Variants in PSD3 observed in about 807,000 individuals in gnomAD.
PSD3 encodes PH and SEC7 domain-containing protein 3.
Under a neutral mutation model 105.5 loss-of-function variants are expected in PSD3, and 49 were observed. That is an observed-to-expected ratio of 0.46 (90% confidence interval 0.37 to 0.59). PSD3 has a LOEUF of 0.59. Ranked by LOEUF, PSD3 falls within the 20% of genes least tolerant of loss-of-function variation. The pLI is 0.00. For missense variants in PSD3, 1,561 were observed against 1,263.8 expected (o/e 1.24, Z -3.57); for synonymous variants, 557 against 457.8 (o/e 1.22, Z -2.77).
intron 9 of PSD3, among the ~76,000 whole-genome samples, chr8:18,680,812 C>T (rs1026869230): frequency 6.6e-6 from 1 of 152,058 alleles, no homozygotes; most frequent in East Asian, 1.9e-4. Flanking sequence ...CCATAAAGTA[C>T]TGGAAAATTC....
At chr8:18,779,943 T>G (rs1222788365) in intron 8 of PSD3, among the ~76,000 whole-genome samples, 1 of 152,230 alleles carries the variant, frequency 6.6e-6, no homozygotes, top group Non-Finnish European at 1.5e-5. Context: ...GCGCATTTGA[T>G]CTAAAACGAA....
intron 9 of PSD3, among the ~76,000 whole-genome samples, chr8:18,757,380 C>T (rs1806140437): frequency 1.3e-5 from 2 of 152,114 alleles, no homozygotes; most frequent in South Asian, 4.1e-4. Context: ...AGGAGAATCA[C>T]TTGAACCCAG....
chr8:18,578,791 A>T (rs1363440105), intron 12 of PSD3, among the ~76,000 whole-genome samples: 2 of 152,050 alleles, frequency 1.3e-5, no homozygotes, highest in Non-Finnish European at 2.9e-5. Flanking sequence ...AGCTAACAGT[A>T]ATTGTCACCT....
intron 8 of PSD3, among the ~76,000 whole-genome samples, chr8:18,788,200 T>C (rs1194084339): frequency 2.0e-5 from 3 of 152,212 alleles, no homozygotes; most frequent in Non-Finnish European, 4.4e-5. Context: ...CATCCTGATG[T>C]ATTCTATTCT....
intron 9 of PSD3, among the ~76,000 whole-genome samples, chr8:18,763,406 T>C (rs924316103): frequency 6.6e-6 from 1 of 152,156 alleles, no homozygotes. Flanking sequence ...ACCTGTAAGA[T>C]GACACCAAAT....
intron 14 of PSD3, among the ~76,000 whole-genome samples, chr8:18,562,268 G>A (rs143852851): frequency 6.6e-6 from 1 of 152,158 alleles, no homozygotes; most frequent in African/African-American, 2.4e-5. Flanking sequence ...AAGAGAACCT[G>A]GCCACTGTCC....
intron 11 of PSD3, among the ~76,000 whole-genome samples, chr8:18,609,342 C>A (rs1805087535): frequency 6.6e-6 from 1 of 152,142 alleles, no homozygotes; most frequent in South Asian, 2.1e-4. Flanking sequence ...TGCAAAATAT[C>A]TTGAATTTCC....
At chr8:18,616,048 C>A (rs1183964684) in intron 11 of PSD3, among the ~76,000 whole-genome samples, 1 of 152,232 alleles carries the variant, frequency 6.6e-6, no homozygotes, top group Non-Finnish European at 1.5e-5. Flanking sequence ...TTTTCCCCAA[C>A]CTAGGAGCTC....
At chr8:18,624,302 G>C (rs1806327556) in intron 11 of PSD3, among the ~76,000 whole-genome samples, 1 of 151,936 alleles carries the variant, frequency 6.6e-6, no homozygotes, top group African/African-American at 2.4e-5. Flanking sequence ...GGTAACATGT[G>C]AAATGACATT....
chr8:18,949,467 C>G (rs1488509537), intron 1 of PSD3, among the ~76,000 whole-genome samples: 1 of 150,956 alleles, frequency 6.6e-6, no homozygotes, highest in African/African-American at 2.4e-5. Flanking sequence ...TAAAATAACA[C>G]ACGAAATATT....
At chr8:19,067,881 T>C (rs1279645539) in intron 1 of PSD3, among the ~76,000 whole-genome samples, 1 of 152,176 alleles carries the variant, frequency 6.6e-6, no homozygotes, top group Non-Finnish European at 1.5e-5. Context: ...ACCCATGCAC[T>C]CTATCTTTTC....
chr8:18,599,593 T>A (rs967200630), intron 12 of PSD3, among the ~76,000 whole-genome samples: 3 of 152,180 alleles, frequency 2.0e-5, no homozygotes, highest in African/African-American at 7.2e-5. Flanking sequence ...AAATTTTGAA[T>A]AGTACGAGAC....
intron 9 of PSD3, among the ~76,000 whole-genome samples, chr8:18,676,856 G>C (rs577428283): frequency 2.6e-5 from 4 of 152,206 alleles, no homozygotes; most frequent in Non-Finnish European, 5.9e-5. Context: ...CCTTGTGCTT[G>C]AGCACAAGCC....
At chr8:18,669,978 C>A (rs1394225981) in intron 9 of PSD3, among the ~76,000 whole-genome samples, 1 of 152,086 alleles carries the variant, frequency 6.6e-6, no homozygotes, top group Non-Finnish European at 1.5e-5. Flanking sequence ...ACAACAGACA[C>A]AGAACTTAGA....
intron 1 of PSD3, among the ~76,000 whole-genome samples, chr8:18,994,501 T>C (rs549096213): frequency 2.0e-4 from 30 of 152,198 alleles, no homozygotes; most frequent in Admixed American, 1.8e-3. Context: ...GCTCTGCATA[T>C]ACACCTGTGC....
At chr8:18,990,043 A>T (rs1251872272) in intron 1 of PSD3, among the ~76,000 whole-genome samples, 4 of 152,196 alleles carry the variant, frequency 2.6e-5, no homozygotes, top group Non-Finnish European at 2.9e-5. Context: ...GTTGATCTAC[A>T]CAAAATGTGG....
At chr8:18,664,906 G>C (rs552110503) in intron 9 of PSD3, among the ~76,000 whole-genome samples, 1 of 152,324 alleles carries the variant, frequency 6.6e-6, no homozygotes, top group African/African-American at 2.4e-5. Context: ...CAGCATATCT[G>C]TTGACAGGAT....
At chr8:18,556,417 T>A in intron 14 of PSD3, 65 bp from the exon 15 acceptor site, 2 of 1,517,694 alleles carry the variant, frequency 1.3e-6, no homozygotes, top group Non-Finnish European at 8.9e-7. Flanking sequence ...AAGCACAGCA[T>A]ACTTTAAAAA....
chr8:18,602,931 A>C (rs1197807060), intron 11 of PSD3, among the ~76,000 whole-genome samples: 1 of 152,234 alleles, frequency 6.6e-6, no homozygotes, highest in Non-Finnish European at 1.5e-5. Flanking sequence ...CGTGTGTTTT[A>C]TTAAACACAC....
Sources: allele counts gnomAD v4.1 joint callset (sites outside exome capture counted in the v4.1 genomes callset), GRCh38; gene constraint gnomAD v4.1.1; transcripts MANE v1.5; gene names NCBI Gene and HGNC (gene_info 2026-07-23, HGNC 2026-07-21).